RBFOX1: variants seen among roughly 807,000 people sequenced by gnomAD.
RBFOX1 encodes RNA binding fox-1 homolog 1.
In RBFOX1, 8 loss-of-function variants were observed where a neutral mutation model predicts 57.7. That is an observed-to-expected ratio of 0.14 (90% CI 0.08 to 0.25). The LOEUF (loss-of-function observed/expected upper bound fraction) is 0.25. RBFOX1 is among the 10% of genes least tolerant of loss of function. The probability of loss-of-function intolerance (pLI) is 1.00; values close to 1 mark genes in which losing one functional copy is unlikely to be tolerated. For synonymous variants in RBFOX1, 326 were observed against 222.4 expected, an observed-to-expected ratio of 1.47 and a Z score of -4.15; for missense variants, 611 against 548.5, an observed-to-expected ratio of 1.11 and a Z score of -1.14.
chr16:6,791,510 G>A (rs2082938266), intron 3 of RBFOX1, among the ~76,000 whole-genome samples: 1 of 152,086 alleles, frequency 6.6e-6, no homozygotes, highest in Admixed American at 6.5e-5. Flanking sequence ...TGTAATCCCA[G>A]CACTTCGGGA....
chr16:5,834,776 T>TAGATA (rs2056404554), intron 3 of RBFOX1, among the ~76,000 whole-genome samples: 3 of 147,668 alleles, frequency 2.0e-5, no homozygotes, highest in African/African-American at 7.6e-5. Context: ...CATGCACAGA[T>TAGATA]GATAGATAGA....
intron 11 of RBFOX1, among the ~76,000 whole-genome samples, chr16:7,631,298 C>G (rs1273670689): frequency 1.3e-5 from 2 of 152,044 alleles, no homozygotes; most frequent in East Asian, 3.9e-4. Flanking sequence ...ATAAGTATAC[C>G]CATCCAGTGC....
At chr16:6,831,084 T>G (rs571261245) in intron 3 of RBFOX1, among the ~76,000 whole-genome samples, 55 of 152,326 alleles carry the variant, frequency 3.6e-4, no homozygotes, top group African/African-American at 1.3e-3. Context: ...CCATCTAAAG[T>G]AAAGCTGGAT....
intron 4 of RBFOX1, among the ~76,000 whole-genome samples, chr16:7,238,444 C>T (rs939623091): frequency 6.6e-6 from 1 of 152,206 alleles, no homozygotes; most frequent in African/African-American, 2.4e-5. Context: ...TTTGCTTCCA[C>T]AGAGCCTTTG....
chr16:6,767,063 C>T (rs1248874059), intron 3 of RBFOX1, among the ~76,000 whole-genome samples: 1 of 152,118 alleles, frequency 6.6e-6, no homozygotes, highest in Non-Finnish European at 1.5e-5. Context: ...TTCATCTATT[C>T]AGTATCCATT....
intron 3 of RBFOX1, among the ~76,000 whole-genome samples, chr16:6,877,129 A>G (rs991728814): frequency 6.6e-6 from 1 of 152,198 alleles, no homozygotes; most frequent in Non-Finnish European, 1.5e-5. Context: ...AAATAACACC[A>G]AACAACAGTA....
intron 4 of RBFOX1, among the ~76,000 whole-genome samples, chr16:7,480,490 C>A (rs1009114212): frequency 1.3e-5 from 2 of 152,122 alleles, no homozygotes; most frequent in Non-Finnish European, 2.9e-5. Context: ...ATTATTAGTT[C>A]TTTGTTCTAA....
intron 4 of RBFOX1, among the ~76,000 whole-genome samples, chr16:7,348,100 T>C (rs890499549): frequency 2.6e-5 from 4 of 152,236 alleles, no homozygotes; most frequent in African/African-American, 9.6e-5. Flanking sequence ...TTTAAAACAT[T>C]GTTGCTTACT....
intron 3 of RBFOX1, among the ~76,000 whole-genome samples, chr16:6,795,160 C>T (rs542954976): frequency 2.0e-5 from 3 of 152,230 alleles, no homozygotes; most frequent in East Asian, 3.9e-4. Flanking sequence ...ATAGTAAGGA[C>T]CAGATATTTC....
chr16:5,745,768 C>T (rs900511601), intron 3 of RBFOX1, among the ~76,000 whole-genome samples: 1 of 152,172 alleles, frequency 6.6e-6, no homozygotes, highest in Admixed American at 6.6e-5. Context: ...TCATATCCTT[C>T]ACCCACTTTT....
chr16:6,037,638 A>G (rs1260595606), intron 1 of RBFOX1: 3 of 151,452 alleles, frequency 2.0e-5, no homozygotes. Context: ...TCTGTCGCCC[A>G]AGCTGGAGTG....
chr16:7,620,660 T>C (rs1278987005), intron 10 of RBFOX1, among the ~76,000 whole-genome samples: 2 of 152,198 alleles, frequency 1.3e-5, no homozygotes, highest in African/African-American at 4.8e-5. Flanking sequence ...TTCTTAGATG[T>C]GGCTTTGTTG....
chr16:6,755,277 C>T (rs867532476), intron 3 of RBFOX1, among the ~76,000 whole-genome samples: 1 of 152,176 alleles, frequency 6.6e-6, no homozygotes, highest in African/African-American at 2.4e-5. Context: ...GTAATCGCCA[C>T]ACCGACTTCC....
chr16:5,618,716 C>T (rs954016976), intron 3 of RBFOX1, among the ~76,000 whole-genome samples: 3 of 152,180 alleles, frequency 2.0e-5, no homozygotes, highest in African/African-American at 7.2e-5. Flanking sequence ...ACCATCCATC[C>T]CTTTGAAATT....
intron 4 of RBFOX1, among the ~76,000 whole-genome samples, chr16:5,906,719 C>A (rs971837260): frequency 7.0e-6 from 1 of 143,874 alleles, no homozygotes; most frequent in African/African-American, 2.6e-5. Context: ...AGCCATGAAT[C>A]CTAGATTCTT....
At chr16:7,665,271 GTC>G (rs1418876647) in intron 13 of RBFOX1, among the ~76,000 whole-genome samples, 1 of 152,146 alleles carries the variant, frequency 6.6e-6, no homozygotes, top group Non-Finnish European at 1.5e-5. Flanking sequence ...CAAAGAAATT[GTC>G]TCTCAAGTTC....
chr16:7,685,363 G>A (rs1200185114), intron 14 of RBFOX1, among the ~76,000 whole-genome samples: 2 of 152,034 alleles, frequency 1.3e-5, no homozygotes, highest in African/African-American at 4.8e-5. Flanking sequence ...CCCTCTCCTG[G>A]CCCAGGGCCA....
In RBFOX1 at chr16:6,079,998, C is replaced by G. The variant is rs76082917; in HGVS notation, c.-127+60006C>G. On this transcript the variant is annotated intron_variant, in intron 1 of 15. Transcript: ENST00000550418. ...AACCATTTGTGATTGAGGCTTACAACCATGTAACAATCCTCCTAAGTTCTG... is the reference window on the plus strand; with the variant it reads ...AACCATTTGTGATTGAGGCTTACAAGCATGTAACAATCCTCCTAAGTTCTG... 6.3e-3 allele frequency among the ~76,000 whole-genome samples: 964 copies of G among 152,278 alleles called. 29 individuals are homozygous for G. Among genetic ancestry groups the G allele is most frequent in the Admixed American group, 0.039 (595 of 15,292 alleles).
chr16:7,649,860 G>C (rs1184572268), intron 11 of RBFOX1, among the ~76,000 whole-genome samples: 4 of 152,076 alleles, frequency 2.6e-5, no homozygotes, highest in African/African-American at 9.7e-5. Flanking sequence ...AACCAGGGGA[G>C]GAACAGGGCA....
Sources: allele counts gnomAD v4.1 joint callset (sites outside exome capture counted in the v4.1 genomes callset), GRCh38; gene constraint gnomAD v4.1.1; transcripts MANE v1.5; gene names NCBI Gene and HGNC (gene_info 2026-07-23, HGNC 2026-07-21).